The following GRM1 variants were observed in gnomAD, a reference collection of about 807,000 sequenced individuals.
GRM1 encodes the protein glutamate metabotropic receptor 1, also known as metabotropic glutamate receptor 1.
A neutral mutation model predicts 90.9 loss-of-function variants in GRM1; 33 were observed. That is an observed-to-expected ratio of 0.36 (90% CI 0.28 to 0.49). The LOEUF (loss-of-function observed/expected upper bound fraction) is 0.49, where lower values mean the gene tolerates loss of function less well. GRM1 is among the 20% of genes least tolerant of loss of function. GRM1 has a pLI of 0.99. For missense variants in GRM1, 1,190 were observed against 1,534.3 expected (o/e 0.78, Z 3.75); for synonymous variants, 700 against 613.2 (o/e 1.14, Z -2.09).
chr6:146,357,473 T>C (rs362890), intron 4 of GRM1, 53 bp from the exon 5 acceptor site: 2 of 1,459,338 alleles, frequency 1.4e-6, no homozygotes, highest in Non-Finnish European at 9.6e-7. Flanking sequence ...ACTTTCTTTG[T>C]TTTCTACATT....
At chr6:146,407,074 A>T (rs577947124) in intron 7 of GRM1, among the ~76,000 whole-genome samples, 1 of 152,332 alleles carries the variant, frequency 6.6e-6, no homozygotes, top group South Asian at 2.1e-4. Flanking sequence ...AAATCAGGCC[A>T]GAATGTTCTC....
intron 7 of GRM1, among the ~76,000 whole-genome samples, chr6:146,400,300 T>A (rs1777109017): frequency 6.6e-6 from 1 of 152,230 alleles, no homozygotes; most frequent in African/African-American, 2.4e-5. Flanking sequence ...AACTGGAATG[T>A]ACATTGTAAT....
intron 2 of GRM1, among the ~76,000 whole-genome samples, chr6:146,195,836 C>T (rs1245391090): frequency 6.6e-6 from 1 of 152,148 alleles, no homozygotes; most frequent in Non-Finnish European, 1.5e-5. Context: ...ATGGAGACAT[C>T]TTCATTTGTT....
At chr6:146,322,969 A>G (rs1045199791) in intron 3 of GRM1, among the ~76,000 whole-genome samples, 1 of 152,148 alleles carries the variant, frequency 6.6e-6, no homozygotes, top group Non-Finnish European at 1.5e-5. Context: ...TCCATGGTGT[A>G]TATGTGCCAC....
chr6:146,084,883 T>C (rs781757103), intron 1 of GRM1, among the ~76,000 whole-genome samples: 1 of 152,178 alleles, frequency 6.6e-6, no homozygotes, highest in Non-Finnish European at 1.5e-5. Flanking sequence ...AGTCTCTCTG[T>C]AGGTCTCTAA....
intron 1 of GRM1, among the ~76,000 whole-genome samples, chr6:146,130,229 TTCCC>T (rs59893302): frequency 0.015 from 2,279 of 150,228 alleles, 76 homozygotes; most frequent in East Asian, 0.087. Context: ...TTCTCTTTCT[TTCCC>T]TCCCTCCCTC....
rs528119392 is a variant in GRM1, at chr6:146,103,099, G to A, written c.701-56249G>A. On this transcript the variant is annotated intron_variant, in intron 1 of 7. Coordinates refer to ENST00000282753, the MANE Select transcript of GRM1 (RefSeq NM_001278064.2). ...GGCTGTCCTTCTGCAGTGCCACAGG[G>A]AACAAAACCGAAGTTGTTAAGTTAG... Among the ~76,000 whole-genome samples the A allele has an allele frequency of 4.6e-5, 7 of 152,170 alleles. No individual in the cohort carries two copies. The East Asian group carries it at 5.8e-4, about 13-fold the overall frequency.
At chr6:146,292,244 T>C (rs934910405) in intron 2 of GRM1, among the ~76,000 whole-genome samples, 1 of 152,042 alleles carries the variant, frequency 6.6e-6, no homozygotes, top group Admixed American at 6.6e-5. Context: ...AATTTAATTC[T>C]TAGCTATGAC....
At chr6:146,396,271 G>A (rs1360288131) in intron 6 of GRM1, among the ~76,000 whole-genome samples, 2 of 152,142 alleles carry the variant, frequency 1.3e-5, no homozygotes, top group Admixed American at 6.6e-5. Context: ...AGGAAGAGAG[G>A]CCACTAAGTT....
intron 1 of GRM1, among the ~76,000 whole-genome samples, chr6:146,067,706 T>A (rs1313812806): frequency 6.6e-6 from 1 of 152,104 alleles, no homozygotes; most frequent in Non-Finnish European, 1.5e-5. Flanking sequence ...TCTTATTTTT[T>A]AAAAAAGCCT....
At chr6:146,032,512 T>A (rs567011886) in intron 1 of GRM1, among the ~76,000 whole-genome samples, 2 of 152,318 alleles carry the variant, frequency 1.3e-5, no homozygotes, top group East Asian at 3.9e-4. Context: ...CCCCATAGTG[T>A]ACTGGCCTAC....
At chr6:146,154,755 T>A (rs770536821) in intron 1 of GRM1, among the ~76,000 whole-genome samples, 8 of 152,224 alleles carry the variant, frequency 5.3e-5, no homozygotes, top group Non-Finnish European at 1.0e-4. Context: ...TGCATTTACC[T>A]GATATTTATC....
chr6:146,323,406 T>A (rs1784276837), intron 3 of GRM1, among the ~76,000 whole-genome samples: 1 of 152,214 alleles, frequency 6.6e-6, no homozygotes, highest in Non-Finnish European at 1.5e-5. Context: ...AAGTGTCTGT[T>A]CATATCCTTC....
At chr6:146,078,343 A>G (rs1776256606) in intron 1 of GRM1, among the ~76,000 whole-genome samples, 1 of 152,192 alleles carries the variant, frequency 6.6e-6, no homozygotes, top group Admixed American at 6.5e-5. Context: ...GGCAGTCTGA[A>G]AGACCTCAAG....
At chr6:146,168,226 A>C (rs1369963899) in intron 2 of GRM1, among the ~76,000 whole-genome samples, 2 of 151,910 alleles carry the variant, frequency 1.3e-5, no homozygotes, top group Non-Finnish European at 2.9e-5. Flanking sequence ...ATTCAATTTT[A>C]TCTCTATTTT....
intron 2 of GRM1, among the ~76,000 whole-genome samples, chr6:146,204,310 G>C (rs1583161294): frequency 1.3e-5 from 2 of 152,346 alleles, no homozygotes; most frequent in African/African-American, 4.8e-5. Context: ...ATTGATGAAA[G>C]CATTTGCCAA....
chr6:146,131,951 A>T (rs1016115520), intron 1 of GRM1, among the ~76,000 whole-genome samples: 8 of 152,210 alleles, frequency 5.3e-5, no homozygotes, highest in African/African-American at 1.9e-4. Context: ...TGAAACCTGG[A>T]TGATGAATAG....
chr6:146,152,257 C>T (rs1291166369), intron 1 of GRM1, among the ~76,000 whole-genome samples: 1 of 152,180 alleles, frequency 6.6e-6, no homozygotes. Context: ...AAAAATACCT[C>T]TTATGGATTC....
At chr6:146,272,711 G>T (rs1304798263) in intron 2 of GRM1, among the ~76,000 whole-genome samples, 1 of 152,196 alleles carries the variant, frequency 6.6e-6, no homozygotes, top group Non-Finnish European at 1.5e-5. Context: ...TGAAAAGGTT[G>T]TGGGAATTTC....
Sources: gnomAD v4.1 joint callset for allele counts (sites outside exome capture counted in the v4.1 genomes callset) on GRCh38, gnomAD v4.1.1 for gene constraint, MANE v1.5 for transcripts, NCBI Gene and HGNC (gene_info 2026-07-23, HGNC 2026-07-21) for gene names.